The following PTCHD4 variants were observed in gnomAD, a reference collection of about 807,000 sequenced individuals.
The protein encoded by PTCHD4 is patched domain-containing protein 4.
In PTCHD4, 33 loss-of-function variants were observed where a neutral mutation model predicts 58.1. That is an observed-to-expected ratio of 0.57 (90% CI 0.43 to 0.76). The LOEUF is 0.76. Ranked by LOEUF, PTCHD4 falls within the 30% of genes least tolerant of loss-of-function variation. The pLI, the probability that PTCHD4 is intolerant of heterozygous loss-of-function variation, is 0.00. For synonymous variants in PTCHD4, 478 were observed against 409.6 expected (o/e 1.17, Z -2.02); for missense variants, 1,058 against 1,027.1 (o/e 1.03, Z -0.41).
chr6:48,032,075 A>AT (rs572807864), intron 3 of PTCHD4, among the ~76,000 whole-genome samples: 2,243 of 149,514 alleles, frequency 0.015, 33 homozygotes, highest in South Asian at 0.077. Context: ...AACCCCAGGC[A>AT]TTTTTTTTTT....
intron 4 of PTCHD4, among the ~76,000 whole-genome samples, chr6:47,921,071 AAAC>A (rs1267555346): frequency 6.6e-6 from 1 of 152,160 alleles, no homozygotes; most frequent in Non-Finnish European, 1.5e-5. Context: ...ACAAAAAGCA[AAAC>A]AACTGGCTAA....
chr6:48,051,412 T>C (rs1337120272), intron 3 of PTCHD4, among the ~76,000 whole-genome samples: 1 of 152,020 alleles, frequency 6.6e-6, no homozygotes, highest in African/African-American at 2.4e-5. Context: ...AAGTCATATA[T>C]ACTCTTCACT....
intron 4 of PTCHD4, among the ~76,000 whole-genome samples, chr6:47,894,589 C>G (rs572456870): frequency 6.6e-6 from 1 of 152,330 alleles, no homozygotes; most frequent in East Asian, 1.9e-4. Flanking sequence ...ACTAAACATT[C>G]AATAAATGTT....
At chr6:48,038,131 A>G (rs1763708534) in intron 3 of PTCHD4, among the ~76,000 whole-genome samples, 1 of 152,190 alleles carries the variant, frequency 6.6e-6, no homozygotes, top group South Asian at 2.1e-4. Context: ...GGAAAAAGGA[A>G]TTGAAACTGA....
At position 47,879,458 on chromosome 6, in the gene PTCHD4, A is replaced by G. The variant is rs1202323598; in HGVS notation, c.1377T>C (p.Tyr459=). ...EHYNEWITNI[Y]VKPFVVILYL... ...AGAGGATGACAACAAATGGCTTCAC[A>G]TATATATTGGTAATCCATTCATTAT... is the stretch of plus-strand genomic sequence containing the variant. Residue 459 remains tyrosine (Y), a synonymous_variant, in exon 5 of 5, where the codon TAT becomes TAC. Transcript: ENST00000339488. The G allele has an allele frequency of 1.2e-6, 2 of 1,613,462 alleles. No individual in the cohort carries two copies. The highest frequency in any genetic ancestry group is 2.7e-5 in the African/African-American group (2 of 74,884).
chr6:47,895,975 A>G (rs897364413), intron 4 of PTCHD4, among the ~76,000 whole-genome samples: 60 of 152,140 alleles, frequency 3.9e-4, no homozygotes, highest in Non-Finnish European at 5.9e-4. Flanking sequence ...GCCCCTCAGC[A>G]CCTAGCAGTG....
intron 3 of PTCHD4, among the ~76,000 whole-genome samples, chr6:48,059,982 C>A (rs924128170): frequency 1.3e-5 from 2 of 152,190 alleles, no homozygotes; most frequent in African/African-American, 4.8e-5. Context: ...ATTCTCACAG[C>A]ATCATGTATT....
intron 4 of PTCHD4, among the ~76,000 whole-genome samples, chr6:48,003,106 T>C (rs926066594): frequency 1.2e-4 from 19 of 152,228 alleles, no homozygotes; most frequent in Non-Finnish European, 7.3e-5. Flanking sequence ...TTTCTAACCA[T>C]TGAAATGCTC....
chr6:47,892,858 T>A (rs941344614), intron 4 of PTCHD4, among the ~76,000 whole-genome samples: 6 of 152,208 alleles, frequency 3.9e-5, no homozygotes, highest in African/African-American at 1.4e-4. Context: ...ACAGCTGGAT[T>A]TTTTTCTGAA....
At chr6:47,986,844 C>T (rs566841249) in intron 4 of PTCHD4, among the ~76,000 whole-genome samples, 1 of 152,124 alleles carries the variant, frequency 6.6e-6, no homozygotes, top group Admixed American at 6.5e-5. Context: ...TGCTTTGTAT[C>T]CACTCAACAT....
chr6:48,031,548 T>A (rs1763439533), intron 3 of PTCHD4, among the ~76,000 whole-genome samples: 1 of 152,132 alleles, frequency 6.6e-6, no homozygotes, highest in Non-Finnish European at 1.5e-5. Flanking sequence ...GCTTACAGAC[T>A]GTGGCTAAAG....
chr6:47,894,178 C>T lies in PTCHD4; in HGVS notation c.899-14242G>A, dbSNP rs573460040. On this transcript the variant is annotated intron_variant, in intron 4 of 4. Transcript: ENST00000339488. Reference sequence around the variant, plus strand: ...CAATTGAACTTATTCCTGATGAGTACAGTACAGGCTTCCTTTCAAATGGAA... The same window carrying T: ...CAATTGAACTTATTCCTGATGAGTATAGTACAGGCTTCCTTTCAAATGGAA... Among the ~76,000 whole-genome samples the T allele has an allele frequency of 2.0e-5, 3 of 152,316 alleles. No individual in the cohort carries two copies. The East Asian group carries it at 5.8e-4, about 29-fold the overall frequency.
At chr6:47,932,523 A>G (rs1765860193) in intron 4 of PTCHD4, among the ~76,000 whole-genome samples, 1 of 152,214 alleles carries the variant, frequency 6.6e-6, no homozygotes, top group Admixed American at 6.5e-5. Flanking sequence ...TGTGAGAGAA[A>G]TTTCCTAAAA....
chr6:48,093,548 A>G lies in PTCHD4; in HGVS notation c.-970+17501T>C, dbSNP rs150448597. Among the ~76,000 whole-genome samples, 270 of 152,268 alleles carry G rather than the reference A, an allele frequency of 1.8e-3. 1 individual carries two copies. Among genetic ancestry groups the G allele is most frequent in the Middle Eastern group, 0.01 (3 of 294 alleles). On this transcript the variant is annotated intron_variant, in intron 1 of 4. Coordinates refer to ENST00000339488, the MANE Select transcript of PTCHD4 (RefSeq NM_001384253.1). The stretch of plus-strand genomic sequence containing the variant: ...AATTTAAAATAGATCAAAGTAGTAT[A>G]CCATTAAACAGAAGAAATAATATTG...
At chr6:48,079,033 G>C (rs1765112962) in intron 1 of PTCHD4, among the ~76,000 whole-genome samples, 1 of 151,114 alleles carries the variant, frequency 6.6e-6, no homozygotes, top group Non-Finnish European at 1.5e-5. Flanking sequence ...CAGGAGAATG[G>C]CGTGAACCCG....
At chr6:47,991,891 TA>T (rs1253045418) in intron 4 of PTCHD4, among the ~76,000 whole-genome samples, 1 of 151,752 alleles carries the variant, frequency 6.6e-6, no homozygotes, top group Admixed American at 6.6e-5. Flanking sequence ...AGATGGTTAA[TA>T]AAAAAAGAAC....
At chr6:48,087,817 A>C (rs2113899296) in intron 1 of PTCHD4, among the ~76,000 whole-genome samples, 1 of 152,302 alleles carries the variant, frequency 6.6e-6, no homozygotes, top group East Asian at 1.9e-4. Context: ...CTCAGTTTTG[A>C]GTTAGGCCAG....
At chr6:48,109,041 G>A (rs1324717360) in intron 1 of PTCHD4, among the ~76,000 whole-genome samples, 2 of 151,938 alleles carry the variant, frequency 1.3e-5, no homozygotes, top group Non-Finnish European at 1.5e-5. Flanking sequence ...TCATTTTCTA[G>A]GACAACAAAA....
rs182037570 is a variant in PTCHD4, at chr6:47,878,161, T to C, written c.*142A>G. The C allele has an allele frequency of 1.2e-4, 75 of 650,272 alleles. No homozygotes were observed. The Middle Eastern group carries it at 2.9e-3, about 25-fold the overall frequency. 40.3% of individuals were successfully genotyped at this position (650,272 alleles called of 1,614,324 possible). On this transcript the variant is annotated 3_prime_UTR_variant, in exon 5 of 5. Coordinates refer to ENST00000339488, the MANE Select transcript of PTCHD4 (RefSeq NM_001384253.1). ...CTCTTCCCCCCAAGAAGCAGGCACC[T>C]TGAAGTGTCATGAATAATGCACTCT... is the stretch of plus-strand genomic sequence containing the variant.
Sources: allele counts gnomAD v4.1 joint callset (sites outside exome capture counted in the v4.1 genomes callset), GRCh38; gene constraint gnomAD v4.1.1; transcripts MANE v1.5; gene names NCBI Gene and HGNC (gene_info 2026-07-23, HGNC 2026-07-21).